Variants in PHIP observed in about 807,000 individuals in gnomAD.
The protein encoded by PHIP is PHIP subunit of CUL4-Ring ligase complex, also known as PH-interacting protein.
A neutral mutation model predicts 236.8 loss-of-function variants in PHIP; 54 were observed. That is an observed-to-expected ratio of 0.23 (90% CI 0.18 to 0.29). The LOEUF is 0.29. PHIP is among the 10% of genes least tolerant of loss of function. The probability of loss-of-function intolerance (pLI) is 1.00; values close to 1 mark genes in which losing one functional copy is unlikely to be tolerated. For missense variants in PHIP, 1,370 were observed against 2,190.8 expected (o/e 0.63, Z 7.48); for synonymous variants, 756 against 718.9 (o/e 1.05, Z -0.83).
At chr6:79,011,891 T>C (rs576924670) in intron 15 of PHIP, among the ~76,000 whole-genome samples, 124 of 151,642 alleles carry the variant, frequency 8.2e-4, no homozygotes, top group African/African-American at 2.7e-3. Flanking sequence ...CATGGCTTGA[T>C]ACAGAAAAAA....
At chr6:79,005,919 C>T (rs1013913332) in intron 15 of PHIP, among the ~76,000 whole-genome samples, 5 of 151,802 alleles carry the variant, frequency 3.3e-5, no homozygotes, top group Admixed American at 1.3e-4. Context: ...ATCTTGGGGA[C>T]AGTTGAAGCT....
chr6:78,971,751 CAAAG>C (rs1430730765), intron 24 of PHIP, among the ~76,000 whole-genome samples: 1 of 152,174 alleles, frequency 6.6e-6, no homozygotes, highest in Admixed American at 6.5e-5. Flanking sequence ...CTTTCCTAAT[CAAAG>C]AAAGGGGTGA....
intron 24 of PHIP, among the ~76,000 whole-genome samples, chr6:78,973,773 C>T (rs1318059621): frequency 6.6e-6 from 1 of 151,756 alleles, no homozygotes; most frequent in Admixed American, 6.6e-5. Context: ...TCAAAAGAGA[C>T]AAAGAAGGCC....
intron 21 of PHIP, among the ~76,000 whole-genome samples, chr6:78,987,732 A>C (rs78889158): frequency 0.025 from 3,807 of 152,286 alleles, 158 homozygotes; most frequent in African/African-American, 0.086. Context: ...TATTTACTGA[A>C]ATAATGACGC....
intron 36 of PHIP, 79 bp from the exon 37 acceptor site, chr6:78,946,953 T>G (rs1773855146): frequency 1.3e-6 from 1 of 774,202 alleles, no homozygotes; most frequent in South Asian, 2.0e-5. Context: ...AATGTAAATA[T>G]TTTTCCAGTA....
chr6:78,968,932 G>A (rs1767336352), intron 27 of PHIP, among the ~76,000 whole-genome samples: 2 of 152,280 alleles, frequency 1.3e-5, no homozygotes, highest in South Asian at 4.1e-4. Context: ...GACCTGCTAG[G>A]TAGCTGCTAT....
chr6:79,075,140 G>C (rs1027367921), intron 4 of PHIP, among the ~76,000 whole-genome samples: 2 of 152,060 alleles, frequency 1.3e-5, no homozygotes, highest in African/African-American at 4.8e-5. Flanking sequence ...TGCATGTGCT[G>C]ACTTAGATAT....
At chr6:78,943,636 T>C (rs1469997252) in intron 39 of PHIP, among the ~76,000 whole-genome samples, 1 of 152,134 alleles carries the variant, frequency 6.6e-6, no homozygotes, top group African/African-American at 2.4e-5. Context: ...ATGAATAATA[T>C]GATCAACATT....
intron 3 of PHIP, 67 bp downstream of exon 3, chr6:79,077,621 CCGGCGGCGGCAG>C: frequency 2.2e-6 from 2 of 891,802 alleles, no homozygotes; most frequent in Non-Finnish European, 2.7e-6. Context: ...CCGCGCCCTG[CCGGCGGCGGCAG>C]CGGCGGCGCA....
chr6:78,978,673 T>C lies in PHIP; in HGVS notation c.2808A>G (p.Thr936=). 2 of 1,595,342 alleles carry C rather than the reference T, an allele frequency of 1.3e-6. No homozygotes were observed. The highest frequency in any genetic ancestry group is 8.6e-7 in the Non-Finnish European group (1 of 1,166,988). Reference sequence around the variant, plus strand: ...ATGTTGATGGCAACCATTCTTCTAATGTCAAACCATTTTCAGTTAGTTCTC... The same window carrying C: ...ATGTTGATGGCAACCATTCTTCTAACGTCAAACCATTTTCAGTTAGTTCTC... ...AVGELTENGL[T]LEEWLPSTWI... The change falls in exon 24 of 40, where the codon ACA becomes ACG. Residue 936 remains threonine, a synonymous_variant. Transcript: ENST00000275034.
intron 23 of PHIP, among the ~76,000 whole-genome samples, chr6:78,979,200 C>A (rs1768339385): frequency 1.3e-5 from 2 of 151,954 alleles, no homozygotes; most frequent in East Asian, 3.9e-4. Context: ...AACACTTATT[C>A]TAGAAAAAAT....
intron 30 of PHIP, among the ~76,000 whole-genome samples, chr6:78,962,268 C>T (rs1385317420): frequency 6.6e-6 from 1 of 151,974 alleles, no homozygotes; most frequent in Non-Finnish European, 1.5e-5. Flanking sequence ...GGAAACAGAC[C>T]CAGAAGTTTT....
At chr6:79,069,690 A>G (rs1019932561) in intron 4 of PHIP, among the ~76,000 whole-genome samples, 3 of 152,088 alleles carry the variant, frequency 2.0e-5, no homozygotes, top group Admixed American at 1.3e-4. Flanking sequence ...TAGAACCCAT[A>G]TAAGTCAGTA....
At chr6:79,063,474 T>C (rs1243144185) in intron 4 of PHIP, among the ~76,000 whole-genome samples, 1 of 152,204 alleles carries the variant, frequency 6.6e-6, no homozygotes, top group African/African-American at 2.4e-5. Context: ...CGGAGTACAA[T>C]GGCGGGATCT....
Position 78,934,489 on chromosome 6 carries a change from CAATA to C in PHIP, c.*6200_*6203del, listed in dbSNP as rs1173435818. 6.6e-6 allele frequency among the ~76,000 whole-genome samples: 1 copy of C among 152,156 alleles called. No individual in the cohort carries two copies. The highest frequency in any genetic ancestry group is 1.5e-5 in the Non-Finnish European group (1 of 68,010). ...AAGCAATTCACAATTTATAGCAATA[CAATA>C]GTGTGTTGTAAAAACATTAAAAGTC... On this transcript the variant is annotated 3_prime_UTR_variant, in exon 40 of 40. Coordinates refer to ENST00000275034, the MANE Select transcript of PHIP (RefSeq NM_017934.7).
intron 4 of PHIP, among the ~76,000 whole-genome samples, chr6:79,068,678 T>C (rs1291174046): frequency 1.3e-5 from 2 of 152,224 alleles, no homozygotes; most frequent in African/African-American, 4.8e-5. Flanking sequence ...TACCTAACAG[T>C]TGGCTGTTAC....
intron 15 of PHIP, among the ~76,000 whole-genome samples, chr6:79,012,354 T>A (rs111583468): frequency 4.9e-4 from 74 of 151,880 alleles, no homozygotes; most frequent in Admixed American, 6.6e-4. Context: ...GTAGGTGGAA[T>A]GGTGAGTTTA....
intron 23 of PHIP, among the ~76,000 whole-genome samples, chr6:78,978,981 C>G (rs1176416077): frequency 6.6e-6 from 1 of 151,972 alleles, no homozygotes; most frequent in Admixed American, 6.6e-5. Flanking sequence ...TGAATCCACA[C>G]AAATAAAATG....
At chr6:79,071,690 A>G (rs939643962) in intron 4 of PHIP, among the ~76,000 whole-genome samples, 6 of 152,162 alleles carry the variant, frequency 3.9e-5, no homozygotes, top group East Asian at 3.8e-4. Flanking sequence ...AGTATTACAG[A>G]TATTTTTCTA....
Sources: gnomAD v4.1 joint callset for allele counts (sites outside exome capture counted in the v4.1 genomes callset) on GRCh38, gnomAD v4.1.1 for gene constraint, MANE v1.5 for transcripts, NCBI Gene and HGNC (gene_info 2026-07-23, HGNC 2026-07-21) for gene names.